COL1A1: variants seen among roughly 807,000 people sequenced by gnomAD.
COL1A1 encodes collagen type I alpha 1 chain.
Under a neutral mutation model 195.7 loss-of-function variants are expected in COL1A1, and 21 were observed. The ratio of observed to expected loss-of-function variants is 0.11; its 90% CI spans 0.08 to 0.15. The LOEUF (loss-of-function observed/expected upper bound fraction) is 0.15. Ranked by LOEUF, COL1A1 falls within the 10% of genes least tolerant of loss-of-function variation. The pLI is 1.00. For missense variants in COL1A1, 1,365 were observed against 2,051.0 expected (o/e 0.67, Z 6.46); for synonymous variants, 749 against 747.3 (o/e 1.00, Z -0.04).
In COL1A1 at chr17:50,201,586, C is replaced by T; in HGVS notation, c.-73G>A. 1.5e-6 allele frequency: 2 copies of T among 1,338,286 alleles called. No homozygotes were observed. The highest frequency in any genetic ancestry group is 2.0e-6 in the Non-Finnish European group (2 of 976,708). 82.9% of individuals were successfully genotyped at this position (1,338,286 alleles called of 1,614,324 possible). On this transcript the variant is annotated 5_prime_UTR_variant, in exon 1 of 51. The change creates a new upstream start codon in the 5' untranslated region. Coordinates refer to ENST00000225964, the MANE Select transcript of COL1A1 (RefSeq NM_000088.4). ...GCGTCCGCTCATGCGTGGCCTCACA[C>T]TCCGCGTGCCTCCTGCTCCGACCCC...
At chr17:50,187,431 G>A (rs2144540405) in intron 46 of COL1A1, 53 bp downstream of exon 46, 6 of 1,597,746 alleles carry the variant, frequency 3.8e-6, no homozygotes, top group Non-Finnish European at 5.1e-6. Flanking sequence ...AAGGGTCCCC[G>A]AGGTGAGCCT....
chr17:50,185,060 T>C lies in COL1A1; in HGVS notation c.*442A>G. The C allele has an allele frequency of 4.0e-6, 1 of 250,634 alleles. No homozygotes were observed. Among genetic ancestry groups the C allele is most frequent in the South Asian group, 1.2e-4 (1 of 8,402 alleles). 15.5% of individuals were successfully genotyped at this position (250,634 alleles called of 1,614,324 possible). Reference sequence around the variant, plus strand: ...TTGCCTTTGATTGCTGGGCAGACAATACATTGTTTCCTGTGTCTTCTGGGG... The same window carrying C: ...TTGCCTTTGATTGCTGGGCAGACAACACATTGTTTCCTGTGTCTTCTGGGG... On this transcript the variant is annotated 3_prime_UTR_variant, in exon 51 of 51. Transcript: ENST00000225964.
chr17:50,190,351 G>C lies in COL1A1; in HGVS notation c.2427C>G (p.Gly809=), dbSNP rs1906969987. The change falls in exon 35 of 51, where the codon GGC becomes GGG. Residue 809 remains glycine, a synonymous_variant. Coordinates refer to ENST00000225964, the MANE Select transcript of COL1A1 (RefSeq NM_000088.4). The surrounding 1 kb of genome is among the most constrained non-coding windows in gnomAD (Gnocchi z 4.7). ...PGDRGEPGPP[G]PAGFAGPPGA... is the part of the protein sequence containing the mutation. ...CAGGGGGGCCAGCAAAGCCAGCAGG[G>C]CCGGGGGGACCAGGCTCACCACGGT... 1.2e-6 allele frequency: 2 copies of C among 1,611,574 alleles called. No homozygotes were observed. The highest frequency in any genetic ancestry group is 1.7e-5 in the Admixed American group (1 of 59,982).
At chr17:50,191,674 C>G in intron 31 of COL1A1, 114 bp downstream of exon 31, 1 of 1,280,378 alleles carries the variant, frequency 7.8e-7, no homozygotes, top group Non-Finnish European at 1.1e-6. Context: ...TCTTTTCCCC[C>G]CACCCCACAC....
chr17:50,188,076 G>C lies in COL1A1; in HGVS notation c.3261+20C>G, dbSNP rs751540399. 1 of 1,612,628 alleles carries C rather than the reference G, an allele frequency of 6.2e-7. No individual in the cohort carries two copies. Among genetic ancestry groups the C allele is most frequent in the Non-Finnish European group, 8.5e-7 (1 of 1,179,336 alleles). On this transcript the variant is annotated intron_variant, in intron 44 of 50. Coordinates refer to ENST00000225964, the MANE Select transcript of COL1A1 (RefSeq NM_000088.4). The surrounding 1 kb of genome is among the most constrained non-coding windows in gnomAD (Gnocchi z 5.6). ...ATCTGTAGAGTTCTAAAGGCATGGG[G>C]GACACAGCAGGGTACTTACGGCGGG...
Position 50,187,382 on chromosome 17 carries a change from C to T in COL1A1, c.3423+102G>A, listed in dbSNP as rs539049418. ...TCTTTGCCCACTCCCTGTCCCTGAACCCTTCTCCAGAGAGGCAAAGGGTGC... is the reference window on the plus strand; with the variant it reads ...TCTTTGCCCACTCCCTGTCCCTGAATCCTTCTCCAGAGAGGCAAAGGGTGC... On this transcript the variant is annotated intron_variant, in intron 46 of 50. Transcript: ENST00000225964. The T allele has an allele frequency of 2.5e-6, 3 of 1,210,964 alleles. No homozygotes were observed. The East Asian group carries it at 7.2e-5, about 29-fold the overall frequency. The allele number at this position is 1,210,964 out of a possible 1,614,324, so 75.0% of individuals were successfully genotyped here. A position where few individuals can be genotyped will look rare whatever the true frequency, so the allele number is the denominator to read the frequency against.
In COL1A1 at chr17:50,195,196, G is replaced by A. The variant is rs1239516366; in HGVS notation, c.1299+36C>T. On this transcript the variant is annotated intron_variant, in intron 19 of 50. Coordinates refer to ENST00000225964, the MANE Select transcript of COL1A1 (RefSeq NM_000088.4). The surrounding 1 kb of genome is among the most constrained non-coding windows in gnomAD (Gnocchi z 4.3). Reference sequence around the variant, plus strand: ...AGATGAGAGCCGCACTGGAGCCAGTGCATGGGGTGGGCAGAAGGGAGAGTT... The same window carrying A: ...AGATGAGAGCCGCACTGGAGCCAGTACATGGGGTGGGCAGAAGGGAGAGTT... The A allele has an allele frequency of 2.5e-6, 4 of 1,607,934 alleles. No homozygotes were observed. The highest frequency in any genetic ancestry group is 3.4e-6 in the Non-Finnish European group (4 of 1,174,944).
Position 50,187,988 on chromosome 17 carries a change from AAGAG to A in COL1A1, c.3262-9_3262-6del. On this transcript the variant is annotated splice_region_variant and splice_polypyrimidine_tract_variant and intron_variant, in intron 44 of 50. Transcript: ENST00000225964. The stretch of plus-strand genomic sequence containing the variant: ...ACCACGGGGGCCTTGGGGTCCCTAG[AAGAG>A]AGAAAGGGACAAACTGTCAGGCGGA... The A allele has an allele frequency of 6.2e-7, 1 of 1,614,058 alleles. No homozygotes were observed. Among genetic ancestry groups the A allele is most frequent in the Non-Finnish European group, 8.5e-7 (1 of 1,179,958 alleles).
At chr17:50,200,145 T>C (rs747703006) in intron 1 of COL1A1, 198 bp from the exon 2 acceptor site, 14 of 638,684 alleles carry the variant, frequency 2.2e-5, no homozygotes, top group Non-Finnish European at 3.9e-5. Flanking sequence ...CCAGGGAGGC[T>C]GTAACTCTTT....
At chr17:50,200,017 G>A (rs886413946) in intron 1 of COL1A1, 70 bp from the exon 2 acceptor site, 5 of 1,509,514 alleles carry the variant, frequency 3.3e-6, no homozygotes, top group Admixed American at 1.7e-5. Flanking sequence ...TTTCCCCCGG[G>A]TCTAAGAGGC....
At chr17:50,191,106 G>C (rs1436636172) in intron 32 of COL1A1, among the ~76,000 whole-genome samples, 182 bp from the exon 33 acceptor site, 1 of 152,114 alleles carries the variant, frequency 6.6e-6, no homozygotes, top group African/African-American at 2.4e-5. Context: ...GTGGAACTGA[G>C]GTTAAGAGGC....
In COL1A1 at chr17:50,199,242, G is replaced by C; in HGVS notation, c.455C>G (p.Pro152Arg). ...GPPGPPGPPG[P>R]PGLGGNFAPQ... ...TCCACTTACTCCTCCGAGGCCAGGG[G>C]GTCCGGGAGGTCCGGGGGGTCCGGG... Residue 152 changes from proline (P) to arginine (R), a missense_variant, in exon 5 of 51, where the codon CCC (proline) becomes CGC (arginine). Coordinates refer to ENST00000225964, the MANE Select transcript of COL1A1 (RefSeq NM_000088.4). 6.8e-7 allele frequency: 1 copy of C among 1,471,606 alleles called. No homozygotes were observed. Among genetic ancestry groups the C allele is most frequent in the Non-Finnish European group, 9.0e-7 (1 of 1,107,140 alleles). The allele number at this position is 1,471,606 out of a possible 1,614,324, so 91.2% of individuals were successfully genotyped here.
At chr17:50,198,107 C>T (rs1335765623) in intron 7 of COL1A1, 54 bp downstream of exon 7, 2 of 1,610,494 alleles carry the variant, frequency 1.2e-6, no homozygotes, top group East Asian at 2.2e-5. Context: ...TCCCAGTCTT[C>T]CCTCCAAAAG....
intron 25 of COL1A1, 97 bp downstream of exon 25, chr17:50,193,846 G>A (rs937820945): frequency 1.3e-4 from 136 of 1,083,720 alleles, no homozygotes; most frequent in Non-Finnish European, 1.6e-4. Flanking sequence ...TGGCCACACG[G>A]CAGGTCAGCG....
chr17:50,190,288 CA>C lies in COL1A1; in HGVS notation c.2451+38del. On this transcript the variant is annotated intron_variant, in intron 35 of 50. Coordinates refer to ENST00000225964, the MANE Select transcript of COL1A1 (RefSeq NM_000088.4). This position sits in a 1 kb window ranked among gnomAD's most constrained non-coding sequence, Gnocchi z 4.7. ...TTCCGTCCCTCGAGGTCCCAGGTCCCAGTCGGTGATGAAAAATGATGGGGGT... is the reference window on the plus strand; with the variant it reads ...TTCCGTCCCTCGAGGTCCCAGGTCCCGTCGGTGATGAAAAATGATGGGGGT... 1 of 1,491,910 alleles carries C rather than the reference CA, an allele frequency of 6.7e-7. No individual in the cohort carries two copies. The highest frequency in any genetic ancestry group is 9.4e-7 in the Non-Finnish European group (1 of 1,069,336). 92.4% of individuals were successfully genotyped at this position (1,491,910 alleles called of 1,614,324 possible).
intron 14 of COL1A1, 42 bp downstream of exon 14, chr17:50,196,272 T>C (rs377678989): frequency 1.2e-6 from 2 of 1,609,760 alleles, no homozygotes; most frequent in African/African-American, 2.7e-5. Flanking sequence ...GGGGAGCCCC[T>C]TCCAGAGCTC....
rs1249852414 is a variant in COL1A1, at chr17:50,195,918, C to G, written c.1056+5G>C. 1 of 1,576,806 alleles carries G rather than the reference C, an allele frequency of 6.3e-7. No homozygotes were observed. Among genetic ancestry groups the G allele is most frequent in the Middle Eastern group, 1.7e-4 (1 of 6,024 alleles). ...TCATGCTTAGAGGAGAGTGGGGGGT[C>G]TCACCTTAGCACCAACAGCACCAGG... On this transcript the variant is annotated splice_donor_5th_base_variant and intron_variant, in intron 16 of 50. Coordinates refer to ENST00000225964, the MANE Select transcript of COL1A1 (RefSeq NM_000088.4). This position sits in a 1 kb window ranked among gnomAD's most constrained non-coding sequence, Gnocchi z 4.3.
At chr17:50,200,795 C>A (rs950398439) in intron 1 of COL1A1, among the ~76,000 whole-genome samples, 5 of 152,192 alleles carry the variant, frequency 3.3e-5, no homozygotes, top group Admixed American at 2.0e-4. Flanking sequence ...GGTGGGGGTC[C>A]GCACCCAGCA....
At chr17:50,199,674 C>T (rs998266957) in intron 2 of COL1A1, 79 bp downstream of exon 2, 3 of 1,606,306 alleles carry the variant, frequency 1.9e-6, no homozygotes, top group East Asian at 2.2e-5. Context: ...GGAGGGCCAG[C>T]GAGCGCCGAC....
Sources: gnomAD v4.1 joint callset for allele counts (sites outside exome capture counted in the v4.1 genomes callset) on GRCh38, gnomAD v4.1.1 for gene constraint, Gnocchi (gnomAD v3.1) non-coding constraint, MANE v1.5 for transcripts, NCBI Gene and HGNC (gene_info 2026-07-23, HGNC 2026-07-21) for gene names.